HEPHL1: variants seen among roughly 807,000 people sequenced by gnomAD.
HEPHL1 encodes ferroxidase HEPHL1.
A neutral mutation model predicts 122.0 loss-of-function variants in HEPHL1; 123 were observed. That is an observed-to-expected ratio of 1.01 (90% CI 0.87 to 1.17). HEPHL1 has a LOEUF of 1.17. HEPHL1 is among the 50% of genes most tolerant of loss of function. HEPHL1 has a pLI of 0.00. For missense variants in HEPHL1, 1,452 were observed against 1,430.5 expected (o/e 1.01, Z -0.24); for synonymous variants, 527 against 508.9 (o/e 1.04, Z -0.48).
Position 94,111,019 on chromosome 11 carries a change from C to T in HEPHL1, c.3162C>T (p.His1054=). 1 of 1,608,442 alleles carries T rather than the reference C, an allele frequency of 6.2e-7. No homozygotes were observed. The highest frequency in any genetic ancestry group is 8.5e-7 in the Non-Finnish European group (1 of 1,177,008). The change falls in exon 18 of 20, where the codon CAC becomes CAT. Residue 1054 remains histidine (H), a synonymous_variant. Transcript: ENST00000315765. ...TWLLHCHVSD[H]IHAGMETTYT... is the part of the protein sequence containing the mutation. ...TGCTACACTGTCATGTGTCTGACCA[C>T]ATCCATGCTGGCATGGAGACAACCT... is the stretch of plus-strand genomic sequence containing the variant.
chr11:94,109,331 C>A (rs1946431077), intron 17 of HEPHL1, among the ~76,000 whole-genome samples: 1 of 152,084 alleles, frequency 6.6e-6, no homozygotes, highest in African/African-American at 2.4e-5. Context: ...TATTTTCAAT[C>A]TGTATGTCTT....
intron 13 of HEPHL1, among the ~76,000 whole-genome samples, chr11:94,096,972 C>A (rs570422702): frequency 6.6e-6 from 1 of 152,124 alleles, no homozygotes; most frequent in Non-Finnish European, 1.5e-5. Context: ...AAAACCAGCT[C>A]CTGGATTCAT....
chr11:94,106,503 G>T (rs1946410330), intron 17 of HEPHL1, among the ~76,000 whole-genome samples: 1 of 151,834 alleles, frequency 6.6e-6, no homozygotes, highest in African/African-American at 2.4e-5. Flanking sequence ...CACCATGTTA[G>T]CCAGGATGGT....
chr11:94,041,512 G>C (rs981801670), intron 1 of HEPHL1, among the ~76,000 whole-genome samples: 8 of 115,296 alleles, frequency 6.9e-5, no homozygotes, highest in Non-Finnish European at 1.3e-4. Flanking sequence ...CATGGTACTG[G>C]TACCAAAACA....
At chr11:94,022,003 G>A (rs190834629) in intron 1 of HEPHL1, among the ~76,000 whole-genome samples, 1 of 152,280 alleles carries the variant, frequency 6.6e-6, no homozygotes, top group East Asian at 1.9e-4. Context: ...TTTAAAAGAG[G>A]GGGAAGTCAC....
chr11:94,075,196 T>C lies in HEPHL1; in HGVS notation c.1527T>C (p.His509=), dbSNP rs758295286. The change falls in exon 9 of 20, where the codon CAT becomes CAC. Residue 509 remains histidine, a synonymous_variant. Transcript: ENST00000315765. ...NLDGFVKPGA[H]VKPGETFTYK... is the part of the protein sequence containing the mutation. Reference sequence around the variant, plus strand: ...CAGGATTTGTGAAACCAGGGGCGCATGTTAAACCAGGTGAAACCTTCACAT... The same window carrying C: ...CAGGATTTGTGAAACCAGGGGCGCACGTTAAACCAGGTGAAACCTTCACAT... 5.6e-6 allele frequency: 9 copies of C among 1,613,084 alleles called. No homozygotes were observed. Among genetic ancestry groups the C allele is most frequent in the Admixed American group, 3.3e-5 (2 of 59,842 alleles).
At chr11:94,080,402 T>C (rs996536294) in intron 9 of HEPHL1, among the ~76,000 whole-genome samples, 3 of 152,136 alleles carry the variant, frequency 2.0e-5, no homozygotes, top group African/African-American at 7.2e-5. Context: ...GATTTCATGA[T>C]GAAAATGTCA....
chr11:94,087,310 T>C (rs1946226240), intron 11 of HEPHL1, among the ~76,000 whole-genome samples: 1 of 152,172 alleles, frequency 6.6e-6, no homozygotes, highest in Admixed American at 6.6e-5. Flanking sequence ...CCCAGAATAA[T>C]TTTAGAAATG....
chr11:94,059,143 C>T (rs988710887), intron 2 of HEPHL1, among the ~76,000 whole-genome samples: 3 of 152,028 alleles, frequency 2.0e-5, no homozygotes, highest in Non-Finnish European at 2.9e-5. Context: ...TATATCCTTG[C>T]TCATTTGTAT....
chr11:94,101,732 C>T (rs911253289), intron 14 of HEPHL1, among the ~76,000 whole-genome samples: 1 of 152,168 alleles, frequency 6.6e-6, no homozygotes, highest in Non-Finnish European at 1.5e-5. Context: ...TTTCACTGCC[C>T]TAAAAATTCT....
At chr11:94,110,109 A>G (rs1027840694) in intron 17 of HEPHL1, among the ~76,000 whole-genome samples, 4 of 152,198 alleles carry the variant, frequency 2.6e-5, no homozygotes, top group African/African-American at 9.6e-5. Flanking sequence ...ATTTTTGGAT[A>G]AGAGGTGTTT....
chr11:94,091,050 G>C (rs1946260781), intron 12 of HEPHL1, among the ~76,000 whole-genome samples: 1 of 152,202 alleles, frequency 6.6e-6, no homozygotes, highest in Non-Finnish European at 1.5e-5. Flanking sequence ...TAGTACTCCT[G>C]AGCTTGTAGA....
chr11:94,072,899 T>C, intron 6 of HEPHL1, 126 bp from the exon 7 acceptor site: 1 of 817,262 alleles, frequency 1.2e-6, no homozygotes, highest in South Asian at 1.8e-5. Context: ...TGTCAAGGCC[T>C]GTGCTGTCTT....
chr11:94,033,254 T>C (rs1237953289), intron 1 of HEPHL1, among the ~76,000 whole-genome samples: 1 of 152,202 alleles, frequency 6.6e-6, no homozygotes, highest in Non-Finnish European at 1.5e-5. Context: ...TTCTTTCTTC[T>C]GAGGAGGCAG....
chr11:94,041,108 G>C (rs1806423864), intron 1 of HEPHL1, among the ~76,000 whole-genome samples: 1 of 143,528 alleles, frequency 7.0e-6, no homozygotes, highest in African/African-American at 2.6e-5. Flanking sequence ...AATCATGAGT[G>C]AACTCCCATT....
At chr11:94,037,608 A>T (rs1377869284) in intron 1 of HEPHL1, among the ~76,000 whole-genome samples, 1 of 152,200 alleles carries the variant, frequency 6.6e-6, no homozygotes, top group East Asian at 1.9e-4. Context: ...CAACAGGGGC[A>T]TACTGACACC....
chr11:94,106,898 T>G (rs1946414033), intron 17 of HEPHL1, among the ~76,000 whole-genome samples: 1 of 152,208 alleles, frequency 6.6e-6, no homozygotes, highest in Non-Finnish European at 1.5e-5. Flanking sequence ...TTATCTTGAC[T>G]TTTGCCCTAG....
chr11:94,021,604 G>C (rs527272550), intron 1 of HEPHL1, 66 bp downstream of exon 1: 1 of 1,295,290 alleles, frequency 7.7e-7, no homozygotes, highest in Admixed American at 2.1e-5. Context: ...TGTGGGGAAG[G>C]TTGTATTTCT....
In HEPHL1 at chr11:94,104,620, T is replaced by A; in HGVS notation, c.2775T>A (p.Phe925Leu). The A allele has an allele frequency of 6.2e-7, 1 of 1,613,848 alleles. No individual in the cohort carries two copies. The highest frequency in any genetic ancestry group is 1.1e-5 in the South Asian group (1 of 91,070). ...KGRRSDVDYE[F>L]ALLFLVFNEN... The stretch of plus-strand genomic sequence containing the variant: ...GAAGAAGTGACGTTGATTATGAATT[T>A]GCTCTCTTGTTTTTGGTATTTAATG... The change falls in exon 16 of 20, where the codon TTT (phenylalanine) becomes TTA (leucine). Residue 925 changes from phenylalanine (F) to leucine (L), a missense_variant. Phe to Leu is a conservative substitution (Grantham distance 22). Transcript: ENST00000315765.
Sources: allele counts gnomAD v4.1 joint callset (sites outside exome capture counted in the v4.1 genomes callset), GRCh38; gene constraint gnomAD v4.1.1; transcripts MANE v1.5; gene names NCBI Gene and HGNC (gene_info 2026-07-23, HGNC 2026-07-21).